Variants in ATP5MC2 observed in about 807,000 individuals in gnomAD.
ATP5MC2 encodes the protein ATP synthase F(0) complex subunit C2, mitochondrial.
In ATP5MC2, 11 loss-of-function variants were observed where a neutral mutation model predicts 13.5. The ratio of observed to expected loss-of-function variants is 0.81; its 90% CI spans 0.51 to 1.35. The LOEUF (loss-of-function observed/expected upper bound fraction) is 1.35, where lower values mean the gene tolerates loss of function less well. Among genes scored for constraint, ATP5MC2 ranks in the 40% most tolerant of loss-of-function variants. The probability of loss-of-function intolerance (pLI) is 0.00; values close to 1 mark genes in which losing one functional copy is unlikely to be tolerated. For missense variants in ATP5MC2, 132 were observed against 175.0 expected (o/e 0.75, Z 1.39); for synonymous variants, 64 against 69.7 (o/e 0.92, Z 0.41).
rs1945258695 is a variant in ATP5MC2, at chr12:53,676,049, T to A, written c.-32+4A>T. ...ACAGAGGGCTCTAGGTCCCAAGGCCTTACCTGCTCCCACTGCAGAGAAGAC... is the reference window on the plus strand; with the variant it reads ...ACAGAGGGCTCTAGGTCCCAAGGCCATACCTGCTCCCACTGCAGAGAAGAC... On this transcript the variant is annotated splice_donor_region_variant and intron_variant, in intron 1 of 4. Transcript: ENST00000394349. 6.2e-7 allele frequency: 1 copy of A among 1,613,628 alleles called. No individual in the cohort carries two copies. The highest frequency in any genetic ancestry group is 8.5e-7 in the Non-Finnish European group (1 of 1,179,882).
At chr12:53,676,307 A>G, upstream of ATP5MC2, 1 of 1,475,794 alleles carries the variant, frequency 6.8e-7, no homozygotes, top group Non-Finnish European at 9.1e-7. Context: ...TCCGCGGAGT[A>G]AGCCGATCCG....
At chr12:53,670,568 C>T (rs1205797718) in intron 2 of ATP5MC2, among the ~76,000 whole-genome samples, 1 of 151,886 alleles carries the variant, frequency 6.6e-6, no homozygotes, top group Non-Finnish European at 1.5e-5. Flanking sequence ...CCACACATTG[C>T]TAGCTTGGGA....
chr12:53,665,648 A>G (rs780945567), intron 4 of ATP5MC2, among the ~76,000 whole-genome samples: 6 of 152,184 alleles, frequency 3.9e-5, no homozygotes, highest in Non-Finnish European at 7.3e-5. Flanking sequence ...ATCCTGTAAC[A>G]TGGCCCAGGT....
upstream of ATP5MC2, among the ~76,000 whole-genome samples, chr12:53,680,791 C>G (rs1293069187): frequency 1.3e-5 from 2 of 152,204 alleles, no homozygotes; most frequent in Non-Finnish European, 2.9e-5. Context: ...GTGCTAGGCA[C>G]TGTTCTTGGT....
chr12:53,668,016 T>TCTCA (rs1565625408), intron 4 of ATP5MC2, among the ~76,000 whole-genome samples: 2 of 135,896 alleles, frequency 1.5e-5, no homozygotes, highest in East Asian at 4.4e-4. Context: ...TTTTTGATGG[T>TCTCA]CTCACTCTGT....
Position 53,669,194 on chromosome 12 carries a change from C to T in ATP5MC2, c.265G>A (p.Ala89Thr), listed in dbSNP as rs752686054. Residue 89 changes from alanine to threonine, a missense_variant, in exon 4 of 5, where the codon GCT becomes ACT. Coordinates refer to ENST00000394349, the MANE Select transcript of ATP5MC2 (RefSeq NM_005176.7). The stretch of plus-strand genomic sequence containing the variant: ...CTCCCAAACACAGTTCCAATCCCAG[C>T]CCCAGAACCAGCCACCCCAACTGTG... ...AATVGVAGSG[A>T]GIGTVFGSLI... 1.9e-6 allele frequency: 3 copies of T among 1,613,768 alleles called. No individual in the cohort carries two copies. The highest frequency in any genetic ancestry group is 2.5e-6 in the Non-Finnish European group (3 of 1,179,874).
At chr12:53,678,622 A>T (rs1945321826), upstream of ATP5MC2, among the ~76,000 whole-genome samples, 1 of 152,208 alleles carries the variant, frequency 6.6e-6, no homozygotes, top group Non-Finnish European at 1.5e-5. Context: ...TGAAGCAAGA[A>T]ATCAAATCCG....
chr12:53,676,415 C>T (rs1945280132), upstream of ATP5MC2: 1 of 593,032 alleles, frequency 1.7e-6, no homozygotes, highest in East Asian at 3.0e-5. Flanking sequence ...AAACAAAACT[C>T]CTACTCAGAA....
At chr12:53,674,888 C>G (rs945710721) in intron 1 of ATP5MC2, among the ~76,000 whole-genome samples, 9 of 152,162 alleles carry the variant, frequency 5.9e-5, no homozygotes, top group Admixed American at 3.3e-4. Context: ...TTCTTTAAGG[C>G]TTTTAGAAAA....
chr12:53,678,604 A>T (rs1452534729), upstream of ATP5MC2, among the ~76,000 whole-genome samples: 1 of 152,200 alleles, frequency 6.6e-6, no homozygotes, highest in East Asian at 1.9e-4. Flanking sequence ...GACTATTACT[A>T]CGAGGCTTGA....
chr12:53,676,157 T>C, upstream of ATP5MC2: 1 of 1,614,214 alleles, frequency 6.2e-7, no homozygotes, highest in South Asian at 1.1e-5. Context: ...CAGCCACGGA[T>C]AGAGTGATTG....
intron 2 of ATP5MC2, among the ~76,000 whole-genome samples, chr12:53,671,043 G>C (rs546507151): frequency 3.3e-5 from 5 of 151,822 alleles, no homozygotes; most frequent in Non-Finnish European, 4.4e-5. Context: ...CAAGAAAGAA[G>C]CCAGTAACTT....
At position 53,672,534 on chromosome 12, in the gene ATP5MC2, A is replaced by G. The variant is rs200367317; in HGVS notation, c.39+42T>C. Reference sequence around the variant, plus strand: ...GGTCTGATGGAAAGAGAGAGACAAGATGTCTCTCCTTTAAAACTCTCCCAG... The same window carrying G: ...GGTCTGATGGAAAGAGAGAGACAAGGTGTCTCTCCTTTAAAACTCTCCCAG... On this transcript the variant is annotated intron_variant, in intron 2 of 4. Coordinates refer to ENST00000394349, the MANE Select transcript of ATP5MC2 (RefSeq NM_005176.7). 35 of 1,497,912 alleles carry G rather than the reference A, an allele frequency of 2.3e-5. No homozygotes were observed. The East Asian group carries it at 8.2e-4, about 35-fold the overall frequency. 92.8% of individuals were successfully genotyped at this position (1,497,912 alleles called of 1,614,324 possible). A position where few individuals can be genotyped will look rare whatever the true frequency, so the allele number is the denominator to read the frequency against.
At chr12:53,671,274 T>C (rs1412171349) in intron 2 of ATP5MC2, among the ~76,000 whole-genome samples, 1 of 152,266 alleles carries the variant, frequency 6.6e-6, no homozygotes, top group Non-Finnish European at 1.5e-5. Context: ...TTTCTAAGCC[T>C]GTATTCTCAT....
rs77629324 is a variant in ATP5MC2 at position 53,674,404 on chromosome 12, C to T, written c.-32+1649G>A. Among the ~76,000 whole-genome samples, 776 of 152,306 alleles carry T rather than the reference C, an allele frequency of 5.1e-3. 5 individuals are homozygous for T. The highest frequency in any genetic ancestry group is 0.017 in the African/African-American group (717 of 41,552). Reference sequence around the variant, plus strand: ...GTGCCCTGTATTTCAAACAAGTTTCCCAGATGATTATTAGGTATACTTAAC... The same window carrying T: ...GTGCCCTGTATTTCAAACAAGTTTCTCAGATGATTATTAGGTATACTTAAC... On this transcript the variant is annotated intron_variant, in intron 1 of 4. Coordinates refer to ENST00000394349, the MANE Select transcript of ATP5MC2 (RefSeq NM_005176.7).
chr12:53,667,338 T>C (rs1283095848), intron 4 of ATP5MC2, among the ~76,000 whole-genome samples: 2 of 152,004 alleles, frequency 1.3e-5, no homozygotes, highest in African/African-American at 4.8e-5. Flanking sequence ...TTCCCAGAGA[T>C]GGGAAAAAAT....
chr12:53,681,423 G>C (rs1440837344), upstream of ATP5MC2, among the ~76,000 whole-genome samples: 1 of 150,952 alleles, frequency 6.6e-6, no homozygotes, highest in Non-Finnish European at 1.5e-5. Context: ...CTACTCAGGA[G>C]GCTGAGGCAG....
chr12:53,676,311 C>G (rs574149159), upstream of ATP5MC2: 3 of 1,449,936 alleles, frequency 2.1e-6, no homozygotes, highest in South Asian at 2.7e-5. Flanking sequence ...CGGAGTAAGC[C>G]GATCCGTAAC....
At chr12:53,681,077 C>A (rs60937347), upstream of ATP5MC2, among the ~76,000 whole-genome samples, 14,497 of 151,470 alleles carry the variant, frequency 0.096, 861 homozygotes, top group Non-Finnish European at 0.13. Context: ...TGGCTAATTT[C>A]GTATTTTTAG....
Sources: allele counts gnomAD v4.1 joint callset (sites outside exome capture counted in the v4.1 genomes callset), GRCh38; gene constraint gnomAD v4.1.1; transcripts MANE v1.5; gene names NCBI Gene and HGNC (gene_info 2026-07-23, HGNC 2026-07-21).